The following RIC8B variants were observed in gnomAD, a reference collection of about 807,000 sequenced individuals.
RIC8B encodes the protein chaperone Ric-8B.
Under a neutral mutation model 57.5 loss-of-function variants are expected in RIC8B, and 16 were observed. That is an observed-to-expected ratio of 0.28 (90% confidence interval 0.19 to 0.42). RIC8B has a LOEUF of 0.42. RIC8B is among the 10% of genes least tolerant of loss of function. The pLI is 1.00. For missense variants in RIC8B, 481 were observed against 677.0 expected (o/e 0.71, Z 3.21); for synonymous variants, 216 against 250.8 (o/e 0.86, Z 1.31).
intron 2 of RIC8B, among the ~76,000 whole-genome samples, chr12:106,791,528 C>G (rs2044259087): frequency 6.6e-6 from 1 of 152,164 alleles, no homozygotes; most frequent in South Asian, 2.1e-4. Context: ...GTATTATCGG[C>G]AGAGCCAGTT....
chr12:106,880,729 G>A (rs1950884804), intron 9 of RIC8B, among the ~76,000 whole-genome samples: 1 of 151,978 alleles, frequency 6.6e-6, no homozygotes, highest in Non-Finnish European at 1.5e-5. Flanking sequence ...TCCCATTTAT[G>A]CCACGTTTAC....
chr12:106,784,861 T>A (rs1012597225), intron 2 of RIC8B, among the ~76,000 whole-genome samples: 6 of 152,230 alleles, frequency 3.9e-5, no homozygotes, highest in African/African-American at 1.2e-4. Flanking sequence ...ATACCTAATA[T>A]CAGTGTCTTG....
intron 2 of RIC8B, among the ~76,000 whole-genome samples, chr12:106,791,714 G>C (rs146335522): frequency 1.7e-3 from 256 of 152,234 alleles, no homozygotes; most frequent in Middle Eastern, 6.8e-3. Flanking sequence ...TCCTAAGTTG[G>C]CTTTTTGTCC....
intron 6 of RIC8B, among the ~76,000 whole-genome samples, 200 bp downstream of exon 6, chr12:106,844,147 G>T (rs1159366143): frequency 3.3e-5 from 5 of 152,172 alleles, no homozygotes; most frequent in Non-Finnish European, 7.3e-5. Flanking sequence ...TGCTGTGTGT[G>T]CTGTGTTTTG....
At chr12:106,785,389 A>C (rs909412560) in intron 2 of RIC8B, among the ~76,000 whole-genome samples, 2 of 152,102 alleles carry the variant, frequency 1.3e-5, no homozygotes, top group Non-Finnish European at 2.9e-5. Context: ...CTGACATTCC[A>C]GTTAAGGTGA....
At chr12:106,793,028 T>C (rs1398266563) in intron 2 of RIC8B, among the ~76,000 whole-genome samples, 3 of 152,086 alleles carry the variant, frequency 2.0e-5, no homozygotes, top group Admixed American at 6.6e-5. Context: ...TGAAACTAAA[T>C]TCTGGATAAG....
intron 2 of RIC8B, among the ~76,000 whole-genome samples, chr12:106,811,486 G>A (rs1007306230): frequency 6.6e-6 from 1 of 152,188 alleles, no homozygotes; most frequent in Non-Finnish European, 1.5e-5. Context: ...TGATTATGAT[G>A]CATGATGAAG....
intron 3 of RIC8B, among the ~76,000 whole-genome samples, chr12:106,817,416 G>A (rs138518267): frequency 2.5e-3 from 380 of 152,160 alleles, no homozygotes; most frequent in African/African-American, 8.4e-3. Flanking sequence ...TTGAAAAACC[G>A]GGGGATAAAA....
chr12:106,819,199 A>G (rs1232561114), intron 3 of RIC8B, among the ~76,000 whole-genome samples: 2 of 152,200 alleles, frequency 1.3e-5, no homozygotes, highest in African/African-American at 2.4e-5. Context: ...TAGGTTTTCA[A>G]CATGTGTTTC....
chr12:106,810,398 G>T (rs938750449), intron 2 of RIC8B, among the ~76,000 whole-genome samples: 2 of 151,976 alleles, frequency 1.3e-5, no homozygotes, highest in African/African-American at 2.4e-5. Flanking sequence ...TCGTAAAAAA[G>T]ATGTCCCTTC....
Position 106,860,309 on chromosome 12 carries a change from G to A in RIC8B, c.1348G>A (p.Gly450Arg). 6.2e-7 allele frequency: 1 copy of A among 1,609,470 alleles called. No homozygotes were observed. Among genetic ancestry groups the A allele is most frequent in the South Asian group, 1.1e-5 (1 of 90,410 alleles). The change falls in exon 8 of 10, where the codon GGA becomes AGA. Residue 450 changes from glycine (G) to arginine (R), a missense_variant. Gly to Arg is a moderately radical substitution (Grantham distance 125). This residue lies in a region of RIC8B where 421 missense variants were observed against 560.9 expected (regional missense o/e 0.75). Transcript: ENST00000392837. ...LKYTGYGNAA[G>R]LLAARGLLAG... ...ATACACTGGCTATGGGAATGCTGCA[G>A]GACTGTTGGCGGCCAGGGGCCTCTT...
chr12:106,798,506 C>G (rs1205964299), intron 2 of RIC8B, among the ~76,000 whole-genome samples: 1 of 152,164 alleles, frequency 6.6e-6, no homozygotes, highest in Non-Finnish European at 1.5e-5. Flanking sequence ...ATAAGGGACC[C>G]ACAGTGTCTT....
intron 3 of RIC8B, chr12:106,823,291 A>G: frequency 3.2e-6 from 1 of 315,524 alleles, no homozygotes; most frequent in Admixed American, 3.8e-5. Flanking sequence ...GAGTATGCAA[A>G]GGAACCAGCG....
At chr12:106,824,056 C>CA (rs2045979954) in intron 3 of RIC8B, among the ~76,000 whole-genome samples, 1 of 152,174 alleles carries the variant, frequency 6.6e-6, no homozygotes. Context: ...CCAACCCTTC[C>CA]AGTCTCAGTG....
chr12:106,809,262 G>A (rs961611852), intron 2 of RIC8B, among the ~76,000 whole-genome samples: 3 of 152,140 alleles, frequency 2.0e-5, no homozygotes, highest in Non-Finnish European at 4.4e-5. Context: ...GGTGGCTCAG[G>A]CCTGTAATCC....
intron 4 of RIC8B, among the ~76,000 whole-genome samples, chr12:106,839,260 C>G (rs1183958669): frequency 6.6e-6 from 1 of 152,108 alleles, no homozygotes; most frequent in Non-Finnish European, 1.5e-5. Context: ...AGCCAAGATA[C>G]TGAAACAACC....
At chr12:106,874,651 A>C in intron 9 of RIC8B, 2 of 1,053,514 alleles carry the variant, frequency 1.9e-6, no homozygotes, top group South Asian at 1.5e-5. Flanking sequence ...CACCAATGTA[A>C]AAGTTAAAAT....
At chr12:106,785,789 C>CTCTCTCTCTCTCTT (rs2043981523) in intron 2 of RIC8B, among the ~76,000 whole-genome samples, 1 of 113,464 alleles carries the variant, frequency 8.8e-6, no homozygotes. Context: ...TTCTATGTCT[C>CTCTCTCTCTCTCTT]TCTCTCTCTC....
rs1287103919 is a variant in RIC8B at position 106,879,899 on chromosome 12, A to G, written c.1572-6005A>G. On this transcript the variant is annotated intron_variant, in intron 9 of 9. Coordinates refer to ENST00000392837, the MANE Select transcript of RIC8B (RefSeq NM_001330145.2). This position sits in a 1 kb window ranked among gnomAD's most constrained non-coding sequence, Gnocchi z 4.9. ...CCAGTAGACACCACTGTACTTTTTGATACGAGGGCAGTCTTAACTTGTGTT... is the reference window on the plus strand; with the variant it reads ...CCAGTAGACACCACTGTACTTTTTGGTACGAGGGCAGTCTTAACTTGTGTT... 1 of 985,266 alleles carries G rather than the reference A, an allele frequency of 1.0e-6. No homozygotes were observed. The highest frequency in any genetic ancestry group is 1.2e-6 in the Non-Finnish European group (1 of 829,924). 61.0% of individuals were successfully genotyped at this position (985,266 alleles called of 1,614,324 possible). A position where few individuals can be genotyped will look rare whatever the true frequency, so the allele number is the denominator to read the frequency against.
Sources: allele counts gnomAD v4.1 joint callset (sites outside exome capture counted in the v4.1 genomes callset), GRCh38; gene constraint gnomAD v4.1.1; regional missense constraint gnomAD v4.1.1; non-coding constraint Gnocchi (gnomAD v3.1); transcripts MANE v1.5; gene names NCBI Gene and HGNC (gene_info 2026-07-23, HGNC 2026-07-21).